CFAP221: variants seen among roughly 807,000 people sequenced by gnomAD.
CFAP221 encodes the protein cilia- and flagella-associated protein 221.
CFAP221 carries 97 observed loss-of-function variants against 113.1 expected under a neutral mutation model. The ratio of observed to expected loss-of-function variants is 0.86; its 90% CI spans 0.73 to 1.02. CFAP221 has a LOEUF of 1.02. Ranked by LOEUF, CFAP221 falls within the 50% of genes least tolerant of loss-of-function variation. The probability of loss-of-function intolerance (pLI) is 0.00; values close to 1 mark genes in which losing one functional copy is unlikely to be tolerated. For synonymous variants in CFAP221, 331 were observed against 354.4 expected (o/e 0.93, Z 0.74); for missense variants, 1,025 against 1,013.4 (o/e 1.01, Z -0.16).
intron 3 of CFAP221, among the ~76,000 whole-genome samples, chr2:119,558,874 C>A (rs1415312525): frequency 1.9e-4 from 29 of 152,232 alleles, no homozygotes; most frequent in Admixed American, 1.8e-3. Flanking sequence ...CAGGCAAACA[C>A]AGTGTACCCT....
chr2:119,631,451 T>C (rs1686769099), intron 19 of CFAP221, among the ~76,000 whole-genome samples: 1 of 152,172 alleles, frequency 6.6e-6, no homozygotes, highest in African/African-American at 2.4e-5. Flanking sequence ...AGCCGGCAGA[T>C]CATTTGAGGT....
At chr2:119,659,017 A>AAAAAC (rs1377651128), downstream of CFAP221, among the ~76,000 whole-genome samples, 2 of 151,936 alleles carry the variant, frequency 1.3e-5, no homozygotes, top group Non-Finnish European at 2.9e-5. Context: ...AAGAAAAAAA[A>AAAAAC]AAAAACGCAT....
intron 3 of CFAP221, among the ~76,000 whole-genome samples, chr2:119,558,457 AC>A (rs1473969534): frequency 6.6e-6 from 1 of 152,214 alleles, no homozygotes; most frequent in African/African-American, 2.4e-5. Flanking sequence ...GGGAAGATAC[AC>A]CAAAACAGGG....
intron 21 of CFAP221, among the ~76,000 whole-genome samples, chr2:119,641,358 T>C (rs1162148568): frequency 2.6e-5 from 4 of 152,190 alleles, no homozygotes; most frequent in Non-Finnish European, 4.4e-5. Context: ...CATCCTTTCC[T>C]CAACCACCCT....
intron 6 of CFAP221, among the ~76,000 whole-genome samples, chr2:119,565,883 TA>T (rs781621434): frequency 1.2e-4 from 18 of 152,364 alleles, no homozygotes; most frequent in Non-Finnish European, 2.1e-4. Flanking sequence ...AATCCTAGGC[TA>T]CCCTGGGGTT....
At position 119,572,435 on chromosome 2, in the gene CFAP221, T is replaced by A. The variant is rs1430362049; in HGVS notation, c.527+10321T>A. 1.0e-5 allele frequency: 6 copies of A among 575,138 alleles called. No individual in the cohort carries two copies. In the East Asian group the frequency reaches 1.4e-4, roughly 13 times the overall value. 35.6% of individuals were successfully genotyped at this position (575,138 alleles called of 1,614,324 possible). On this transcript the variant is annotated intron_variant, in intron 6 of 23. Transcript: ENST00000413369. Reference sequence around the variant, plus strand: ...AGATAAAATACAATCTCAATCTTCTTATAATAAGTAAATATGGATATGCTT... The same window carrying A: ...AGATAAAATACAATCTCAATCTTCTAATAATAAGTAAATATGGATATGCTT...
At chr2:119,606,620 A>G (rs1684784977) in intron 11 of CFAP221, among the ~76,000 whole-genome samples, 1 of 152,136 alleles carries the variant, frequency 6.6e-6, no homozygotes, top group South Asian at 2.1e-4. Context: ...AGGAAACCTG[A>G]AAACATGTTT....
chr2:119,635,976 T>A (rs2104778140), intron 19 of CFAP221, among the ~76,000 whole-genome samples: 1 of 152,278 alleles, frequency 6.6e-6, no homozygotes, highest in South Asian at 2.1e-4. Flanking sequence ...CAACTGAACA[T>A]CAGTATGTGC....
In CFAP221 at chr2:119,600,725, T is replaced by C. The variant is rs1020267845; in HGVS notation, c.632-493T>C. Among the ~76,000 whole-genome samples the C allele has an allele frequency of 5.3e-5, 8 of 152,176 alleles. No individual in the cohort carries two copies. In the East Asian group the frequency reaches 7.7e-4, roughly 15 times the overall value. On this transcript the variant is annotated intron_variant, in intron 7 of 23. Coordinates refer to ENST00000413369, the MANE Select transcript of CFAP221 (RefSeq NM_001271049.2). ...TCATGAGCCCACTTATATTCAGATT[T>C]TTTTCAGTAAAAGTTAAACCGACTG...
intron 7 of CFAP221, among the ~76,000 whole-genome samples, chr2:119,592,119 G>A (rs1043930015): frequency 5.3e-5 from 8 of 152,094 alleles, no homozygotes; most frequent in Admixed American, 5.2e-4. Flanking sequence ...ACACCTCTCT[G>A]TGCCTATGTA....
At chr2:119,657,024 G>A (rs1688470503), downstream of CFAP221, among the ~76,000 whole-genome samples, 1 of 152,150 alleles carries the variant, frequency 6.6e-6, no homozygotes, top group Non-Finnish European at 1.5e-5. Flanking sequence ...ACTCACAGAA[G>A]CACCTGGAGC....
chr2:119,650,444 G>A (rs1257712327), intron 22 of CFAP221, among the ~76,000 whole-genome samples: 1 of 152,238 alleles, frequency 6.6e-6, no homozygotes, highest in Non-Finnish European at 1.5e-5. Flanking sequence ...CTGGGGAGAT[G>A]TTCAGCAGAT....
intron 7 of CFAP221, among the ~76,000 whole-genome samples, chr2:119,588,728 CT>C (rs1683386746): frequency 6.6e-6 from 1 of 152,106 alleles, no homozygotes; most frequent in Admixed American, 6.5e-5. Flanking sequence ...TTGTTTATTA[CT>C]TAATATTTTA....
intron 7 of CFAP221, among the ~76,000 whole-genome samples, chr2:119,599,533 T>C (rs1221134582): frequency 6.6e-6 from 1 of 152,162 alleles, no homozygotes; most frequent in Non-Finnish European, 1.5e-5. Flanking sequence ...GGGAGTAGGA[T>C]GAAGCTAAAA....
At chr2:119,559,596 A>G (rs1181668798) in intron 3 of CFAP221, 93 bp from the exon 4 acceptor site, 4 of 1,083,642 alleles carry the variant, frequency 3.7e-6, no homozygotes, top group Non-Finnish European at 5.3e-6. Context: ...TATCTCCTCA[A>G]ATTCTTTTAG....
chr2:119,654,523 T>C (rs1307681853), intron 23 of CFAP221, among the ~76,000 whole-genome samples: 1 of 152,216 alleles, frequency 6.6e-6, no homozygotes, highest in African/African-American at 2.4e-5. Context: ...TCACTCTTCA[T>C]ACCATGGAGC....
chr2:119,658,167 G>A (rs1688496168), downstream of CFAP221, among the ~76,000 whole-genome samples: 1 of 152,118 alleles, frequency 6.6e-6, no homozygotes, highest in African/African-American at 2.4e-5. Context: ...TAATGATAAT[G>A]TCCATGAGCT....
intron 13 of CFAP221, 114 bp from the exon 14 acceptor site, chr2:119,615,497 A>G (rs1047258263): frequency 2.2e-4 from 177 of 789,066 alleles, no homozygotes; most frequent in Non-Finnish European, 2.7e-4. Flanking sequence ...ACTAAGCAAT[A>G]CAACAAATAA....
chr2:119,585,497 T>C (rs1255987556), intron 6 of CFAP221, among the ~76,000 whole-genome samples: 1 of 152,236 alleles, frequency 6.6e-6, no homozygotes, highest in Non-Finnish European at 1.5e-5. Flanking sequence ...TTCAACTCTT[T>C]TGCAATGTTT....
Sources: allele counts gnomAD v4.1 joint callset (sites outside exome capture counted in the v4.1 genomes callset), GRCh38; gene constraint gnomAD v4.1.1; transcripts MANE v1.5; gene names NCBI Gene and HGNC (gene_info 2026-07-23, HGNC 2026-07-21).